The following NRXN3 variants were observed in gnomAD, a reference collection of about 807,000 sequenced individuals.
NRXN3 encodes neurexin 3.
Under a neutral mutation model 137.6 loss-of-function variants are expected in NRXN3, and 32 were observed. The ratio of observed to expected loss-of-function variants is 0.23; its 90% CI spans 0.18 to 0.31. The LOEUF is 0.31. Ranked by LOEUF, NRXN3 falls within the 10% of genes least tolerant of loss-of-function variation. The pLI, the probability that NRXN3 is intolerant of heterozygous loss-of-function variation, is 1.00. For synonymous variants in NRXN3, 798 were observed against 784.5 expected (o/e 1.02, Z -0.29); for missense variants, 1,574 against 2,062.5 (o/e 0.76, Z 4.59).
chr14:79,236,654 A>G (rs1363454494), intron 15 of NRXN3, among the ~76,000 whole-genome samples: 1 of 152,018 alleles, frequency 6.6e-6, no homozygotes, highest in Non-Finnish European at 1.5e-5. Context: ...GCTCACACCT[A>G]TAATGTCAGC....
At chr14:79,081,273 A>T (rs1365781267) in intron 15 of NRXN3, among the ~76,000 whole-genome samples, 1 of 152,216 alleles carries the variant, frequency 6.6e-6, no homozygotes, top group Non-Finnish European at 1.5e-5. Flanking sequence ...ATACTTTCCT[A>T]ATCTGTGCCT....
At position 78,482,266 on chromosome 14, in the gene NRXN3, C is replaced by T. The variant is rs539618727; in HGVS notation, c.758-162854C>T. Reference sequence around the variant, plus strand: ...AGGCTATTCAAAGTTACTGTATATGCGTTGTCTAAGTGCTATTTGTATACT... The same window carrying T: ...AGGCTATTCAAAGTTACTGTATATGTGTTGTCTAAGTGCTATTTGTATACT... On this transcript the variant is annotated intron_variant, in intron 4 of 20. Transcript: ENST00000335750. Among the ~76,000 whole-genome samples the T allele has an allele frequency of 2.0e-5, 3 of 152,310 alleles. No homozygotes were observed. In the East Asian group the frequency reaches 5.8e-4, roughly 29 times the overall value.
intron 10 of NRXN3, among the ~76,000 whole-genome samples, chr14:78,897,961 A>G (rs1250214767): frequency 1.3e-5 from 2 of 152,046 alleles, no homozygotes; most frequent in Non-Finnish European, 2.9e-5. Context: ...TTTATCTCAC[A>G]TCATGTAGTT....
Position 79,610,348 on chromosome 14 carries a change from A to G in NRXN3, c.3445-53430A>G, listed in dbSNP as rs556927107. Among the ~76,000 whole-genome samples the G allele has an allele frequency of 3.9e-5, 6 of 152,322 alleles. No individual in the cohort carries two copies. In the East Asian group the frequency reaches 9.6e-4, roughly 24 times the overall value. On this transcript the variant is annotated intron_variant, in intron 16 of 20. Coordinates refer to ENST00000335750, the MANE Select transcript of NRXN3 (RefSeq NM_001330195.2). ...CAGGTGGTGGTATTAGGTAATTAAC[A>G]TGTGAAATTCCTCATATGGTTATTT...
intron 16 of NRXN3, among the ~76,000 whole-genome samples, chr14:79,586,411 C>T (rs2097765656): frequency 6.6e-6 from 1 of 152,034 alleles, no homozygotes; most frequent in South Asian, 2.1e-4. Flanking sequence ...TCTTTATTTT[C>T]ATTTTGTTTG....
Position 79,806,962 on chromosome 14 carries a change from A to AT in NRXN3, c.4093+1805dup, listed in dbSNP as rs35028709. Among the ~76,000 whole-genome samples the AT allele has an allele frequency of 3.2e-3, 84 of 26,360 alleles. 16 individuals carry two copies. Among genetic ancestry groups the AT allele is most frequent in the East Asian group, 0.012 (6 of 514 alleles). The allele number at this position is 26,360 out of a possible 152,430, so 17.3% of individuals were successfully genotyped here. A position where few individuals can be genotyped will look rare whatever the true frequency, so the allele number is the denominator to read the frequency against. ...TTTATATATATATATATATATATAT[A>AT]TTTTTTTTTTTTTTTTTTTTTTTTT... On this transcript the variant is annotated intron_variant, in intron 20 of 20. Transcript: ENST00000335750.
intron 15 of NRXN3, among the ~76,000 whole-genome samples, chr14:79,302,432 A>G (rs1444027281): frequency 6.6e-6 from 1 of 151,962 alleles, no homozygotes; most frequent in Non-Finnish European, 1.5e-5. Context: ...AAGGGCAGGT[A>G]CGTCACATGG....
At chr14:78,548,092 T>C (rs1160771437) in intron 4 of NRXN3, among the ~76,000 whole-genome samples, 1 of 152,208 alleles carries the variant, frequency 6.6e-6, no homozygotes. Context: ...AACATTGCAT[T>C]TGCTATAGCC....
At chr14:79,004,555 T>A (rs1189880352) in intron 15 of NRXN3, among the ~76,000 whole-genome samples, 1 of 152,214 alleles carries the variant, frequency 6.6e-6, no homozygotes, top group East Asian at 1.9e-4. Flanking sequence ...ATAGTGTTTG[T>A]AATTTCTGAT....
chr14:79,282,934 A>G (rs1404779783), intron 15 of NRXN3, among the ~76,000 whole-genome samples: 1 of 152,164 alleles, frequency 6.6e-6, no homozygotes, highest in Non-Finnish European at 1.5e-5. Context: ...GCAGCAATCA[A>G]CAAAATATCC....
At chr14:79,262,254 C>T (rs1435723757) in intron 15 of NRXN3, among the ~76,000 whole-genome samples, 3 of 151,894 alleles carry the variant, frequency 2.0e-5, no homozygotes, top group Admixed American at 2.0e-4. Flanking sequence ...GCAAGTGAAC[C>T]CCTGAAGAAT....
intron 10 of NRXN3, among the ~76,000 whole-genome samples, chr14:78,895,034 C>A (rs1014765642): frequency 6.6e-6 from 1 of 151,536 alleles, no homozygotes; most frequent in Non-Finnish European, 1.5e-5. Context: ...TTGCTAAATT[C>A]TGGGGCCCTA....
At chr14:78,361,753 T>G (rs929065049) in intron 4 of NRXN3, among the ~76,000 whole-genome samples, 1 of 152,246 alleles carries the variant, frequency 6.6e-6, no homozygotes, top group African/African-American at 2.4e-5. Context: ...TGGTGTATTT[T>G]GAAAGTATCC....
intron 15 of NRXN3, among the ~76,000 whole-genome samples, chr14:79,373,029 C>T (rs1202678472): frequency 1.3e-5 from 2 of 152,044 alleles, no homozygotes; most frequent in East Asian, 3.9e-4. Context: ...CATTTCCTAA[C>T]TCTGTGAATC....
At chr14:78,432,455 C>A (rs1290602680) in intron 4 of NRXN3, among the ~76,000 whole-genome samples, 1 of 152,174 alleles carries the variant, frequency 6.6e-6, no homozygotes, top group African/African-American at 2.4e-5. Flanking sequence ...TTGGCTAGAA[C>A]AAGCTCTTCT....
At chr14:79,162,942 A>G (rs2060935334) in intron 15 of NRXN3, among the ~76,000 whole-genome samples, 1 of 149,492 alleles carries the variant, frequency 6.7e-6, no homozygotes, top group Admixed American at 6.7e-5. Context: ...CCATTCTTTT[A>G]TTTCTCCTCT....
At chr14:78,200,792 C>T (rs2061605770) in intron 1 of NRXN3, among the ~76,000 whole-genome samples, 1 of 152,206 alleles carries the variant, frequency 6.6e-6, no homozygotes, top group African/African-American at 2.4e-5. Context: ...CTACTCCCCT[C>T]ATCCTTGTCA....
intron 15 of NRXN3, among the ~76,000 whole-genome samples, chr14:79,087,473 T>C (rs1401682866): frequency 6.6e-6 from 1 of 152,136 alleles, no homozygotes; most frequent in African/African-American, 2.4e-5. Context: ...TTATAACAAC[T>C]GGCAAGCCTT....
At chr14:79,038,076 C>G (rs1011005108) in intron 15 of NRXN3, among the ~76,000 whole-genome samples, 1 of 151,972 alleles carries the variant, frequency 6.6e-6, no homozygotes, top group African/African-American at 2.4e-5. Context: ...ATTTGTAAAT[C>G]CATGTAATTA....
Sources: gnomAD v4.1 joint callset for allele counts (sites outside exome capture counted in the v4.1 genomes callset) on GRCh38, gnomAD v4.1.1 for gene constraint, MANE v1.5 for transcripts, NCBI Gene and HGNC (gene_info 2026-07-23, HGNC 2026-07-21) for gene names.